Variants in SPATA31D1 observed in about 807,000 individuals in gnomAD.
SPATA31D1 encodes the protein SPATA31 subfamily D member 1.
A neutral mutation model predicts 13.2 loss-of-function variants in SPATA31D1; 6 were observed. The ratio of observed to expected loss-of-function variants is 0.46; its 90% CI spans 0.25 to 0.90. The LOEUF is 0.90. Ranked by LOEUF, SPATA31D1 falls within the 40% of genes least tolerant of loss-of-function variation. The pLI is 0.18. For missense variants in SPATA31D1, 2,445 were observed against 1,884.7 expected, an observed-to-expected ratio of 1.30 and a Z score of -5.50; for synonymous variants, 903 against 718.8, an observed-to-expected ratio of 1.26 and a Z score of -4.10.
Position 81,988,970 on chromosome 9 carries a change from C to T in SPATA31D1, c.152C>T (p.Ser51Leu), listed in dbSNP as rs770832493. 68 of 1,611,646 alleles carry T rather than the reference C, an allele frequency of 4.2e-5. No individual in the cohort carries two copies. Among genetic ancestry groups the T allele is most frequent in the Non-Finnish European group, 5.5e-5 (65 of 1,179,700 alleles). The change falls in exon 1 of 4, where the codon TCG becomes TTG. Residue 51 changes from serine (S) to leucine (L), a missense_variant. Physicochemically the swap from Ser to Leu is moderately radical, Grantham distance 145. Coordinates refer to ENST00000344803, the MANE Select transcript of SPATA31D1 (RefSeq NM_001001670.3). ...TTCTACGTGGTATTGACCCTGTATTCGTCACCCACCGAAAAAAATAATGAC... is the reference window on the plus strand; with the variant it reads ...TTCTACGTGGTATTGACCCTGTATTTGTCACCCACCGAAAAAAATAATGAC... ...YLFYVVLTLY[S>L]SPTEKNNDIQ...
rs199957340 is a variant in SPATA31D1 at position 81,992,092 on chromosome 9, C to T, written c.1622C>T (p.Ser541Phe). 6.0e-4 allele frequency: 968 copies of T among 1,613,740 alleles called. 3 individuals carry two copies. The highest frequency in any genetic ancestry group is 1.1e-3 in the South Asian group (99 of 91,062). Residue 541 changes from serine to phenylalanine, a missense_variant, in exon 4 of 4, where the codon TCC becomes TTC. Physicochemically the swap from Ser to Phe is radical, Grantham distance 155. Coordinates refer to ENST00000344803, the MANE Select transcript of SPATA31D1 (RefSeq NM_001001670.3). ...FFNGITNTSI[S>F]HESPVLPPPQ... is the part of the protein sequence containing the mutation. ...AATGGCATTACAAATACATCTATAT[C>T]CCATGAATCCCCAGTACTTCCCCCT...
At position 81,991,351 on chromosome 9, in the gene SPATA31D1, G is replaced by A. The variant is rs202197407; in HGVS notation, c.881G>A (p.Arg294His). The A allele has an allele frequency of 3.8e-5, 61 of 1,613,994 alleles. No homozygotes were observed. The highest frequency in any genetic ancestry group is 1.5e-4 in the African/African-American group (11 of 75,054). The stretch of plus-strand genomic sequence containing the variant: ...ATGAATCCCATTGATTCTTGTGCTC[G>A]TCATCACGGACCACCAATCCCATCT... ...QAMNPIDSCARHHGPPIPSAL... is the reference protein window; with the variant it reads ...QAMNPIDSCAHHHGPPIPSAL... Residue 294 changes from arginine to histidine, a missense_variant, in exon 4 of 4, where the codon CGT (arginine) becomes CAT (histidine). Transcript: ENST00000344803.
rs61119216 is a variant in SPATA31D1, at chr9:81,989,684, TAATGAATG to T, written c.187-68_187-61del. 3,639 of 1,215,992 alleles carry T rather than the reference TAATGAATG, an allele frequency of 3.0e-3. 47 individuals carry two copies. In the African/African-American group the frequency reaches 0.038, roughly 13 times the overall value. 75.3% of individuals were successfully genotyped at this position (1,215,992 alleles called of 1,614,324 possible). A position where few individuals can be genotyped will look rare whatever the true frequency, so the allele number is the denominator to read the frequency against. On this transcript the variant is annotated intron_variant, in intron 1 of 3. Transcript: ENST00000344803. ...TTAATTAAAGAGTAATATTCTTGTA[TAATGAATG>T]AATGAATGAATGAATGAATGAATGA...
rs1824978393 is a variant in SPATA31D1, at chr9:81,992,013, C to T, written c.1543C>T (p.Leu515=). ...WGLPSLHSES[L]HPTVLVQRGH... is the part of the protein sequence containing the mutation. Reference sequence around the variant, plus strand: ...TCTCCCATCTTTGCACAGCGAGTCTCTGCATCCTACTGTTCTTGTCCAACG... The same window carrying T: ...TCTCCCATCTTTGCACAGCGAGTCTTTGCATCCTACTGTTCTTGTCCAACG... Residue 515 remains leucine (L), a synonymous_variant, in exon 4 of 4, where the codon CTG becomes TTG. Coordinates refer to ENST00000344803, the MANE Select transcript of SPATA31D1 (RefSeq NM_001001670.3). 1 of 1,613,702 alleles carries T rather than the reference C, an allele frequency of 6.2e-7. No individual in the cohort carries two copies. The highest frequency in any genetic ancestry group is 8.5e-7 in the Non-Finnish European group (1 of 1,179,736).
In SPATA31D1 at chr9:81,993,275, T is replaced by C. The variant is rs774065637; in HGVS notation, c.2805T>C (p.Leu935=). Residue 935 remains leucine (L), a synonymous_variant, in exon 4 of 4, where the codon CTT becomes CTC. Coordinates refer to ENST00000344803, the MANE Select transcript of SPATA31D1 (RefSeq NM_001001670.3). Reference sequence around the variant, plus strand: ...AAATCTTCAAATCGAAAGCGGACCTTTCCACTTCCTTTTCCCATTTCGACC... The same window carrying C: ...AAATCTTCAAATCGAAAGCGGACCTCTCCACTTCCTTTTCCCATTTCGACC... ...SIEIFKSKAD[L]STSFSHFDLP... is the part of the protein sequence containing the mutation. The C allele has an allele frequency of 1.9e-6, 3 of 1,613,976 alleles. No homozygotes were observed. The highest frequency in any genetic ancestry group is 4.5e-5 in the East Asian group (2 of 44,868).
chr9:81,989,894 A>G (rs148971953), intron 2 of SPATA31D1, 71 bp downstream of exon 2: 24,989 of 1,539,516 alleles, frequency 0.016, 296 homozygotes, highest in Middle Eastern at 0.027. Context: ...ACTCAGTCCC[A>G]TGATTTCTTA....
chr9:81,994,988 G>A lies in SPATA31D1; in HGVS notation c.4518G>A (p.Lys1506=), dbSNP rs1284558927. 2.5e-6 allele frequency: 4 copies of A among 1,613,946 alleles called. No individual in the cohort carries two copies. The highest frequency in any genetic ancestry group is 3.4e-6 in the Non-Finnish European group (4 of 1,179,876). The stretch of plus-strand genomic sequence containing the variant: ...AGCCCCAGAAAGTTGAGGCATTTAA[G>A]GGGAAGATACTGTGTCAAAGCCATC... ...DRQPQKVEAF[K]GKILCQSHPQ... is the part of the protein sequence containing the mutation. The change falls in exon 4 of 4, where the codon AAG becomes AAA. Residue 1506 remains lysine, a synonymous_variant. Transcript: ENST00000344803.
chr9:81,990,476 C>A lies in SPATA31D1; in HGVS notation c.292C>A (p.Leu98Ile), dbSNP rs374669926. The A allele has an allele frequency of 2.5e-6, 4 of 1,605,696 alleles. No individual in the cohort carries two copies. Among genetic ancestry groups the A allele is most frequent in the East Asian group, 2.2e-5 (1 of 44,740 alleles). The change falls in exon 3 of 4, where the codon CTT becomes ATT. Residue 98 changes from leucine (L) to isoleucine (I), a missense_variant. Transcript: ENST00000344803. ...GGAAGAGGAAAGGAAGCTGCTTTCT[C>A]TTCTGAAAAGGTGATTAATCTTTCC... ...EEEEERKLLS[L>I]LKSFGPPVSC...
At position 81,993,470 on chromosome 9, in the gene SPATA31D1, C is replaced by A. The variant is rs575907814; in HGVS notation, c.3000C>A (p.Thr1000=). The change falls in exon 4 of 4, where the codon ACC becomes ACA. Residue 1000 remains threonine (T), a synonymous_variant. Coordinates refer to ENST00000344803, the MANE Select transcript of SPATA31D1 (RefSeq NM_001001670.3). ...SSPVVQEGQG[T]LRRQFSDTDH... Reference sequence around the variant, plus strand: ...CTGTCGTCCAAGAAGGGCAGGGGACCCTGAGAAGACAATTTTCTGATACTG... The same window carrying A: ...CTGTCGTCCAAGAAGGGCAGGGGACACTGAGAAGACAATTTTCTGATACTG... 1.2e-6 allele frequency: 2 copies of A among 1,613,780 alleles called. No individual in the cohort carries two copies. Among genetic ancestry groups the A allele is most frequent in the African/African-American group, 1.3e-5 (1 of 74,984 alleles).
Position 81,994,328 on chromosome 9 carries a change from T to C in SPATA31D1, c.3858T>C (p.Asn1286=), listed in dbSNP as rs941147101. ...TCVLQKCQVT[N]FPPAVNRVSP... is the part of the protein sequence containing the mutation. ...TCTTACAGAAGTGTCAAGTTACGAA[T>C]TTCCCACCAGCTGTAAACAGAGTGA... The change falls in exon 4 of 4, where the codon AAT becomes AAC. Residue 1286 remains asparagine (N), a synonymous_variant. Coordinates refer to ENST00000344803, the MANE Select transcript of SPATA31D1 (RefSeq NM_001001670.3). The C allele has an allele frequency of 6.2e-7, 1 of 1,613,912 alleles. No individual in the cohort carries two copies. Among genetic ancestry groups the C allele is most frequent in the African/African-American group, 1.3e-5 (1 of 75,030 alleles).
Position 81,989,046 on chromosome 9 carries a change from G to T in SPATA31D1, c.186+42G>T, listed in dbSNP as rs909713392. ...GAACACCCAAGAGAGATGCCCTGTT[G>T]TTGTTTCCCAATCCTATTCCAACAT... On this transcript the variant is annotated intron_variant, in intron 1 of 3. Coordinates refer to ENST00000344803, the MANE Select transcript of SPATA31D1 (RefSeq NM_001001670.3). 1.2e-5 allele frequency: 20 copies of T among 1,601,878 alleles called. No homozygotes were observed. In the Middle Eastern group the frequency reaches 9.2e-4, roughly 74 times the overall value.
chr9:81,990,736 A>G lies in SPATA31D1; in HGVS notation c.303-37A>G, dbSNP rs375989503. The G allele has an allele frequency of 1.1e-5, 18 of 1,568,306 alleles. No homozygotes were observed. In the Admixed American group the frequency reaches 1.3e-4, roughly 12 times the overall value. On this transcript the variant is annotated intron_variant, in intron 3 of 3. Coordinates refer to ENST00000344803, the MANE Select transcript of SPATA31D1 (RefSeq NM_001001670.3). ...TTAGGGAACCCACCCCTGCCAGGCT[A>G]ACAAATCTCCTTTCCTTGTTCTGGT...
intron 2 of SPATA31D1, chr9:81,990,044 A>G: frequency 1.8e-6 from 1 of 562,032 alleles, no homozygotes; most frequent in South Asian, 2.4e-5. Flanking sequence ...GACCTGAGCA[A>G]TGGGTGTTGC....
Position 81,993,178 on chromosome 9 carries a change from T to G in SPATA31D1, c.2708T>G (p.Leu903Trp). Reference sequence around the variant, plus strand: ...CTTAGTTCCAACAAACAAAAGATGTTGGAAGCCCATATTAAAACTTTCCGT... The same window carrying G: ...CTTAGTTCCAACAAACAAAAGATGTGGGAAGCCCATATTAAAACTTTCCGT... ...SFLSSNKQKM[L>W]EAHIKTFRMR... The change falls in exon 4 of 4, where the codon TTG (leucine) becomes TGG (tryptophan). Residue 903 changes from leucine (L) to tryptophan (W), a missense_variant. Coordinates refer to ENST00000344803, the MANE Select transcript of SPATA31D1 (RefSeq NM_001001670.3). The G allele has an allele frequency of 2.5e-6, 4 of 1,613,986 alleles. No homozygotes were observed. Among genetic ancestry groups the G allele is most frequent in the Non-Finnish European group, 3.4e-6 (4 of 1,179,890 alleles).
intron 2 of SPATA31D1, 123 bp from the exon 3 acceptor site, chr9:81,990,294 C>A (rs1824924583): frequency 2.9e-6 from 2 of 683,170 alleles, no homozygotes; most frequent in Admixed American, 3.0e-5. Context: ...TTATCAATGA[C>A]TATTTTCCCT....
In SPATA31D1 at chr9:81,993,533, C is replaced by G; in HGVS notation, c.3063C>G (p.Ala1021=). Residue 1021 remains alanine (A), a synonymous_variant, in exon 4 of 4, where the codon GCC becomes GCG. Transcript: ENST00000344803. ...DLIETDSKDG[A]STSLRRGTTD... is the part of the protein sequence containing the mutation. Reference sequence around the variant, plus strand: ...TAGAGACAGATTCCAAAGACGGGGCCTCCACATCCCTTAGAAGAGGTACTA... The same window carrying G: ...TAGAGACAGATTCCAAAGACGGGGCGTCCACATCCCTTAGAAGAGGTACTA... 6.2e-7 allele frequency: 1 copy of G among 1,613,650 alleles called. No homozygotes were observed. Among genetic ancestry groups the G allele is most frequent in the Non-Finnish European group, 8.5e-7 (1 of 1,179,820 alleles).
chr9:81,988,851 T>C lies in SPATA31D1; in HGVS notation c.33T>C (p.Tyr11=), dbSNP rs776551780. The change falls in exon 1 of 4, where the codon TAT becomes TAC. Residue 11 remains tyrosine (Y), a synonymous_variant. Transcript: ENST00000344803. MENILCFLNS[Y]TETGLSPDSH... is the part of the protein sequence containing the mutation. ...ATATCCTCTGTTTTCTGAACAGCTATACTGAGACAGGGCTGAGCCCTGACT... is the reference window on the plus strand; with the variant it reads ...ATATCCTCTGTTTTCTGAACAGCTACACTGAGACAGGGCTGAGCCCTGACT... The C allele has an allele frequency of 1.2e-6, 2 of 1,612,890 alleles. No homozygotes were observed. Among genetic ancestry groups the C allele is most frequent in the South Asian group, 1.1e-5 (1 of 91,022 alleles).
upstream of SPATA31D1, chr9:81,988,733 A>G (rs1402832434): frequency 4.2e-5 from 68 of 1,600,198 alleles, no homozygotes; most frequent in South Asian, 2.8e-4. Context: ...TGACTCTTCC[A>G]TGCTCTGTGA....
rs759293437 is a variant in SPATA31D1 at position 81,993,537 on chromosome 9, A to C, written c.3067A>C (p.Thr1023Pro). 2 of 1,613,904 alleles carry C rather than the reference A, an allele frequency of 1.2e-6. No individual in the cohort carries two copies. The highest frequency in any genetic ancestry group is 1.7e-6 in the Non-Finnish European group (2 of 1,179,856). The change falls in exon 4 of 4, where the codon ACA becomes CCA. Residue 1023 changes from threonine to proline, a missense_variant. Transcript: ENST00000344803. ...IETDSKDGAS[T>P]SLRRGTTDFQ... ...GACAGATTCCAAAGACGGGGCCTCCACATCCCTTAGAAGAGGTACTACAGA... is the reference window on the plus strand; with the variant it reads ...GACAGATTCCAAAGACGGGGCCTCCCCATCCCTTAGAAGAGGTACTACAGA...
Sources: gnomAD v4.1 joint callset for allele counts on GRCh38, gnomAD v4.1.1 for gene constraint, MANE v1.5 for transcripts, NCBI Gene and HGNC (gene_info 2026-07-23, HGNC 2026-07-21) for gene names.